DBX2: variants seen among roughly 807,000 people sequenced by gnomAD.
DBX2 encodes the protein developing brain homeobox 2.
Under a neutral mutation model 17.7 loss-of-function variants are expected in DBX2, and 16 were observed. That is an observed-to-expected ratio of 0.90 (90% confidence interval 0.61 to 1.37). The LOEUF (loss-of-function observed/expected upper bound fraction) is 1.37. Among genes scored for constraint, DBX2 ranks in the 40% most tolerant of loss-of-function variants. DBX2 has a pLI of 0.00. For synonymous variants in DBX2, 255 were observed against 183.8 expected (o/e 1.39, Z -3.13); for missense variants, 538 against 433.8 (o/e 1.24, Z -2.13).
chr12:45,050,258 G>T (rs1007122312), intron 1 of DBX2, among the ~76,000 whole-genome samples: 1 of 152,214 alleles, frequency 6.6e-6, no homozygotes, highest in East Asian at 1.9e-4. Context: ...AAGTTAAGCA[G>T]CCCTACCACC....
At chr12:45,024,042 T>C (rs1415095174) in intron 2 of DBX2, 148 bp from the exon 3 acceptor site, 6 of 742,012 alleles carry the variant, frequency 8.1e-6, no homozygotes, top group Non-Finnish European at 1.2e-5. Flanking sequence ...CTTCCTAACT[T>C]CTTTTTGGCT....
In DBX2 at chr12:45,050,755, G is replaced by T; in HGVS notation, c.173C>A (p.Ala58Glu). ...CAGGGCGGTCGCCGGGTCGTGGGGC[G>T]CGGGCGGCTGCAGCCTGGGCGTTGG... Reference protein sequence around the residue: ...GAPTPRLQPPAPHDPATALAT... With the variant: ...GAPTPRLQPPEPHDPATALAT... Residue 58 changes from alanine (A) to glutamate (E), a missense_variant, in exon 1 of 4, where the codon GCG becomes GAG. Ala to Glu is a moderately radical substitution (Grantham distance 107). Coordinates refer to ENST00000332700, the MANE Select transcript of DBX2 (RefSeq NM_001004329.3). 1 of 1,501,880 alleles carries T rather than the reference G, an allele frequency of 6.7e-7. No homozygotes were observed. The highest frequency in any genetic ancestry group is 8.9e-7 in the Non-Finnish European group (1 of 1,126,490). 93.0% of individuals were successfully genotyped at this position (1,501,880 alleles called of 1,614,324 possible).
intron 1 of DBX2, 38 bp from the exon 2 acceptor site, chr12:45,036,152 C>G (rs774515819): frequency 3.3e-6 from 5 of 1,525,152 alleles, no homozygotes; most frequent in Non-Finnish European, 4.4e-6. Flanking sequence ...TTAGCCATTT[C>G]TTTAAGACAA....
chr12:45,029,515 C>G (rs976112439), intron 2 of DBX2, among the ~76,000 whole-genome samples: 63 of 152,206 alleles, frequency 4.1e-4, no homozygotes, highest in African/African-American at 1.5e-3. Flanking sequence ...GTCAAAGGTA[C>G]GAGTGGGCAG....
chr12:45,017,182 C>T (rs1266151838), intron 3 of DBX2, among the ~76,000 whole-genome samples: 1 of 152,150 alleles, frequency 6.6e-6, no homozygotes, highest in East Asian at 1.9e-4. Context: ...TTTCAAAATT[C>T]ATTTAACTCT....
chr12:45,016,371 G>A lies in DBX2; in HGVS notation c.935C>T (p.Pro312Leu), dbSNP rs778238452. The change falls in exon 4 of 4, where the codon CCA becomes CTA. Residue 312 changes from proline (P) to leucine (L), a missense_variant. Physicochemically the swap from Pro to Leu is moderately conservative, Grantham distance 98. Transcript: ENST00000332700. ...LIQESSGAPP[P>L]EANSLQGALY... is the part of the protein sequence containing the mutation. The stretch of plus-strand genomic sequence containing the variant: ...GGCACCTTGCAGTGAATTTGCTTCT[G>A]GGGGTGGTGCCCCTGAACTCTCCTG... 2.5e-6 allele frequency: 4 copies of A among 1,613,210 alleles called. No homozygotes were observed. In the Admixed American group the frequency reaches 6.7e-5, roughly 27 times the overall value.
intron 3 of DBX2, among the ~76,000 whole-genome samples, chr12:45,021,796 G>C (rs955846218): frequency 2.2e-5 from 3 of 138,316 alleles, no homozygotes; most frequent in Non-Finnish European, 3.2e-5. Context: ...AGAAAGATAA[G>C]TAACTTTGAG....
intron 1 of DBX2, among the ~76,000 whole-genome samples, chr12:45,047,438 T>C (rs1946506165): frequency 1.3e-5 from 2 of 152,140 alleles, no homozygotes; most frequent in Non-Finnish European, 1.5e-5. Flanking sequence ...CTTTGATTTT[T>C]AGAGTTTTAA....
intron 2 of DBX2, among the ~76,000 whole-genome samples, chr12:45,028,924 A>G (rs560920547): frequency 6.4e-4 from 98 of 152,360 alleles, no homozygotes; most frequent in African/African-American, 2.2e-3. Context: ...TACAAGAAGC[A>G]TATGACAATG....
At chr12:45,039,992 A>G (rs549236788) in intron 1 of DBX2, among the ~76,000 whole-genome samples, 278 of 152,222 alleles carry the variant, frequency 1.8e-3, no homozygotes, top group Non-Finnish European at 3.4e-3. Context: ...TTCATATCCT[A>G]CTATGATGGT....
chr12:45,041,267 A>G (rs1044673810), intron 1 of DBX2, among the ~76,000 whole-genome samples: 3 of 151,288 alleles, frequency 2.0e-5, no homozygotes, highest in Non-Finnish European at 4.4e-5. Flanking sequence ...TTCCAAAAGG[A>G]TGGTTTTAAT....
At chr12:45,039,859 T>C (rs1946461980) in intron 1 of DBX2, among the ~76,000 whole-genome samples, 1 of 151,054 alleles carries the variant, frequency 6.6e-6, no homozygotes, top group East Asian at 2.0e-4. Flanking sequence ...CTGACACATC[T>C]CCCAAGATTT....
chr12:45,023,796 C>T lies in DBX2; in HGVS notation c.598G>A (p.Ala200Thr), dbSNP rs151080814. 6.8e-6 allele frequency: 11 copies of T among 1,613,286 alleles called. No individual in the cohort carries two copies. The highest frequency in any genetic ancestry group is 1.3e-5 in the African/African-American group (1 of 74,824). ...RAVFSEDQRKALEKMFQKQKY... is the reference protein window; with the variant it reads ...RAVFSEDQRKTLEKMFQKQKY... ...TGTTTCTGAAACATTTTCTCCAGAG[C>T]CTTTCTCTGGTCCTCAGAAAAGACA... is the stretch of plus-strand genomic sequence containing the variant. Residue 200 changes from alanine to threonine, a missense_variant, in exon 3 of 4, where the codon GCT (alanine) becomes ACT (threonine). Coordinates refer to ENST00000332700, the MANE Select transcript of DBX2 (RefSeq NM_001004329.3).
At chr12:45,045,448 A>G (rs146648551) in intron 1 of DBX2, among the ~76,000 whole-genome samples, 3 of 152,346 alleles carry the variant, frequency 2.0e-5, no homozygotes, top group African/African-American at 7.2e-5. Flanking sequence ...GGATTTTATG[A>G]ACACGATTAA....
At chr12:45,021,509 C>T (rs188137355) in intron 3 of DBX2, among the ~76,000 whole-genome samples, 29 of 152,290 alleles carry the variant, frequency 1.9e-4, no homozygotes, top group Admixed American at 3.3e-4. Flanking sequence ...AACTTAGCTA[C>T]GTTCCACTGC....
intron 1 of DBX2, among the ~76,000 whole-genome samples, chr12:45,045,697 G>A (rs1946495820): frequency 1.3e-5 from 2 of 152,004 alleles, no homozygotes; most frequent in East Asian, 1.9e-4. Flanking sequence ...ATCACCCTTG[G>A]CAATCCCTTT....
At chr12:45,033,437 T>TA (rs1043496732) in intron 2 of DBX2, among the ~76,000 whole-genome samples, 20 of 152,112 alleles carry the variant, frequency 1.3e-4, no homozygotes, top group African/African-American at 4.8e-4. Flanking sequence ...GACCTGGGCA[T>TA]AAAAATCATT....
chr12:45,027,286 C>T (rs1946386228), intron 2 of DBX2, among the ~76,000 whole-genome samples: 2 of 152,164 alleles, frequency 1.3e-5, no homozygotes, highest in Admixed American at 1.3e-4. Flanking sequence ...GAATCATATG[C>T]CACAGATATC....
At chr12:45,045,009 ATAT>A (rs1946492286) in intron 1 of DBX2, among the ~76,000 whole-genome samples, 4 of 152,164 alleles carry the variant, frequency 2.6e-5, no homozygotes, top group African/African-American at 9.7e-5. Flanking sequence ...TAAGTATGTT[ATAT>A]GTTAAGGCAA....
Sources: allele counts gnomAD v4.1 joint callset (sites outside exome capture counted in the v4.1 genomes callset), GRCh38; gene constraint gnomAD v4.1.1; transcripts MANE v1.5; gene names NCBI Gene and HGNC (gene_info 2026-07-23, HGNC 2026-07-21).